RANBP2: variants seen among roughly 807,000 people sequenced by gnomAD.
RANBP2 encodes RAN binding protein 2, also known as E3 SUMO-protein ligase RanBP2.
RANBP2 carries 57 observed loss-of-function variants against 303.6 expected under a neutral mutation model. The observed-to-expected ratio is 0.19, with a 90% CI of 0.15 to 0.23. The LOEUF is 0.23. Ranked by LOEUF, RANBP2 falls within the 10% of genes least tolerant of loss-of-function variation. RANBP2 has a pLI of 1.00. For synonymous variants in RANBP2, 1,167 were observed against 1,301.5 expected, an observed-to-expected ratio of 0.90 and a Z score of 2.23; for missense variants, 3,138 against 3,780.8, an observed-to-expected ratio of 0.83 and a Z score of 4.46.
At chr2:109,143,504 A>G in the RANBP2 span, among the ~76,000 whole-genome samples, 3 of 152,184 alleles carry the variant, frequency 2.0e-5, no homozygotes, top group East Asian at 3.8e-4. Context: ...GAACTTTAGG[A>G]GGTCAAGACA....
At chr2:109,449,223 C>T in the RANBP2 span, 8 of 1,613,646 alleles carry the variant, frequency 5.0e-6, no homozygotes, top group Non-Finnish European at 5.9e-6. Flanking sequence ...CGTGTCACCC[C>T]TGCGCACCCA....
At chr2:109,431,199 C>A in the RANBP2 span, among the ~76,000 whole-genome samples, 1 of 152,168 alleles carries the variant, frequency 6.6e-6, no homozygotes, top group Non-Finnish European at 1.5e-5. Context: ...CTCATATCCC[C>A]AGAGATGCAC....
At chr2:109,578,660 G>A in the RANBP2 span, among the ~76,000 whole-genome samples, 8 of 152,014 alleles carry the variant, frequency 5.3e-5, no homozygotes, top group African/African-American at 9.7e-5. Context: ...CCAGCTACTC[G>A]GGAGGCTGAG....
chr2:109,403,899 G>A, the RANBP2 span, among the ~76,000 whole-genome samples: 1 of 152,222 alleles, frequency 6.6e-6, no homozygotes, highest in South Asian at 2.1e-4. Flanking sequence ...CATGGCCACT[G>A]TGAGGGTGGA....
chr2:109,558,124 T>C, the RANBP2 span, among the ~76,000 whole-genome samples: 2 of 152,174 alleles, frequency 1.3e-5, no homozygotes, highest in Non-Finnish European at 2.9e-5. Context: ...CATACTACTG[T>C]TGTTGCAAAT....
At chr2:108,871,157 A>G in the RANBP2 span, among the ~76,000 whole-genome samples, 1 of 152,142 alleles carries the variant, frequency 6.6e-6, no homozygotes, top group Non-Finnish European at 1.5e-5. Context: ...TTTTACAGAA[A>G]TGGCATGCAT....
At chr2:108,866,449 C>G in the RANBP2 span, among the ~76,000 whole-genome samples, 1 of 152,210 alleles carries the variant, frequency 6.6e-6, no homozygotes, top group Admixed American at 6.5e-5. Flanking sequence ...TCATTTTTCT[C>G]TCCTCATCAA....
the RANBP2 span, among the ~76,000 whole-genome samples, chr2:109,494,978 G>A: frequency 1.2e-3 from 185 of 152,166 alleles, no homozygotes; most frequent in Non-Finnish European, 2.2e-3. Context: ...GGCCGGGTCA[G>A]CGAGGCTGGC....
chr2:109,221,377 G>GT, the RANBP2 span, among the ~76,000 whole-genome samples: 2 of 152,130 alleles, frequency 1.3e-5, no homozygotes, highest in Non-Finnish European at 2.9e-5. Context: ...GAGCTCAGGC[G>GT]TTTGAGACCA....
chr2:109,419,446 A>AG, the RANBP2 span: 1 of 1,309,664 alleles, frequency 7.6e-7, no homozygotes, highest in Non-Finnish European at 1.1e-6. Context: ...GGCGAAGCAC[A>AG]GGCACCTGTG....
chr2:109,189,100 G>A, the RANBP2 span, among the ~76,000 whole-genome samples: 1 of 152,116 alleles, frequency 6.6e-6, no homozygotes, highest in South Asian at 2.1e-4. Context: ...CTCTCTGAGA[G>A]AGATGCCTCC....
At chr2:109,293,931 G>A in the RANBP2 span, among the ~76,000 whole-genome samples, 1 of 152,170 alleles carries the variant, frequency 6.6e-6, no homozygotes, top group Non-Finnish European at 1.5e-5. Flanking sequence ...CCAATGGCCG[G>A]CGCCCTCCTC....
the RANBP2 span, among the ~76,000 whole-genome samples, chr2:109,045,164 T>C: frequency 6.6e-6 from 1 of 152,096 alleles, no homozygotes; most frequent in African/African-American, 2.4e-5. Flanking sequence ...GGCACATTGA[T>C]ACCTGCCTGG....
At chr2:109,538,256 T>C in the RANBP2 span, among the ~76,000 whole-genome samples, 1 of 152,246 alleles carries the variant, frequency 6.6e-6, no homozygotes, top group East Asian at 1.9e-4. Flanking sequence ...CAGAAAAGGC[T>C]CTCGGCTTTC....
the RANBP2 span, among the ~76,000 whole-genome samples, chr2:109,051,865 C>T: frequency 1.2e-3 from 181 of 152,148 alleles, no homozygotes; most frequent in Non-Finnish European, 1.8e-3. Flanking sequence ...TCTCCTACCT[C>T]AGCATCCCGA....
At chr2:109,069,226 G>C in the RANBP2 span, among the ~76,000 whole-genome samples, 1 of 151,620 alleles carries the variant, frequency 6.6e-6, no homozygotes, top group East Asian at 1.9e-4. Context: ...TCATAAAAAG[G>C]GGGGCTTATA....
At chr2:109,385,153 C>T in the RANBP2 span, among the ~76,000 whole-genome samples, 14 of 152,258 alleles carry the variant, frequency 9.2e-5, no homozygotes, top group Admixed American at 2.6e-4. Context: ...CGAGCAGAAG[C>T]TCTGGCTCTC....
chr2:108,857,227 C>T, the RANBP2 span, among the ~76,000 whole-genome samples: 4 of 151,612 alleles, frequency 2.6e-5, no homozygotes, highest in East Asian at 1.9e-4. Context: ...TACAGGCACA[C>T]GCCACCACGC....
chr2:109,625,093 A>C, the RANBP2 span, among the ~76,000 whole-genome samples: 7 of 137,366 alleles, frequency 5.1e-5, no homozygotes, highest in African/African-American at 1.0e-4. Flanking sequence ...ACAACAAAAA[A>C]AAAAAAAAAA....
Sources: gnomAD v4.1 joint callset for allele counts (sites outside exome capture counted in the v4.1 genomes callset) on GRCh38, gnomAD v4.1.1 for gene constraint, MANE v1.5 for transcripts, NCBI Gene and HGNC (gene_info 2026-07-23, HGNC 2026-07-21) for gene names.